The following NAB1 variants were observed in gnomAD, a reference collection of about 807,000 sequenced individuals.
The protein encoded by NAB1 is NGFI-A binding protein 1.
A neutral mutation model predicts 49.9 loss-of-function variants in NAB1; 25 were observed. The ratio of observed to expected loss-of-function variants is 0.50; its 90% CI spans 0.37 to 0.70. The LOEUF (loss-of-function observed/expected upper bound fraction) is 0.70. NAB1 is among the 30% of genes least tolerant of loss of function. The pLI is 0.00. For synonymous variants in NAB1, 198 were observed against 215.6 expected (o/e 0.92, Z 0.71); for missense variants, 489 against 575.9 (o/e 0.85, Z 1.54).
rs1695525422 is a variant in NAB1 at position 190,684,848 on chromosome 2, AGTTGACT to A, written c.1096-627_1096-621del. 6.6e-6 allele frequency among the ~76,000 whole-genome samples: 1 copy of A among 152,240 alleles called. No homozygotes were observed. Among genetic ancestry groups the A allele is most frequent in the African/African-American group, 2.4e-5 (1 of 41,466 alleles). On this transcript the variant is annotated intron_variant, in intron 7 of 9. Coordinates refer to ENST00000337386, the MANE Select transcript of NAB1 (RefSeq NM_005966.4). The surrounding 1 kb of genome is among the most constrained non-coding windows in gnomAD (Gnocchi z 4.6). ...ACATACAGAGATAAATTTATATGTC[AGTTGACT>A]AATTGTATATTTAAAATATGCCTTT...
chr2:190,679,397 G>A lies in NAB1; in HGVS notation c.1006-4341G>A, dbSNP rs1695221662. ...TTGCAGAGAGATCACTGATTACTTT[G>A]GATAATTGTTATTTATTACTTATTT... On this transcript the variant is annotated intron_variant, in intron 6 of 9. Transcript: ENST00000337386. This position sits in a 1 kb window ranked among gnomAD's most constrained non-coding sequence, Gnocchi z 5.3. Among the ~76,000 whole-genome samples, 1 of 151,992 alleles carries A rather than the reference G, an allele frequency of 6.6e-6. No homozygotes were observed. Among genetic ancestry groups the A allele is most frequent in the Non-Finnish European group, 1.5e-5 (1 of 67,976 alleles).
At chr2:190,681,640 G>A (rs1695350229) in intron 6 of NAB1, among the ~76,000 whole-genome samples, 1 of 152,142 alleles carries the variant, frequency 6.6e-6, no homozygotes, top group Non-Finnish European at 1.5e-5. Context: ...AGCTACATAG[G>A]ACCATCTTAA....
rs879845903 is a variant in NAB1, at chr2:190,657,056, A to G, written c.-20+903A>G. On this transcript the variant is annotated intron_variant, in intron 3 of 9. Coordinates refer to ENST00000337386, the MANE Select transcript of NAB1 (RefSeq NM_005966.4). The surrounding 1 kb of genome is among the most constrained non-coding windows in gnomAD (Gnocchi z 4.4). ...TTACACATGTACTTTTTTTTTCTGT[A>G]TTGCGTTGAAAGCCTATGGAGGAAT... 2.6e-5 allele frequency among the ~76,000 whole-genome samples: 4 copies of G among 151,692 alleles called. No homozygotes were observed. Among genetic ancestry groups the G allele is most frequent in the African/African-American group, 4.8e-5 (2 of 41,264 alleles).
rs1433329571 is a variant in NAB1, at chr2:190,661,402, AAAAC to A, written c.819+1411_819+1414del. Reference sequence around the variant, plus strand: ...GGGCTATATGGCTGTCATTAGTAGAAAAACAAAAGGCAAAATGTGTTGGCAATTT... The same window carrying A: ...GGGCTATATGGCTGTCATTAGTAGAAAAAAGGCAAAATGTGTTGGCAATTT... On this transcript the variant is annotated intron_variant, in intron 4 of 9. Transcript: ENST00000337386. Among the ~76,000 whole-genome samples the A allele has an allele frequency of 2.0e-5, 3 of 152,200 alleles. No homozygotes were observed. The East Asian group carries it at 5.8e-4, about 29-fold the overall frequency.
chr2:190,687,170 A>C, intron 8 of NAB1, 31 bp from the exon 9 acceptor site: 1 of 1,372,032 alleles, frequency 7.3e-7, no homozygotes, highest in Non-Finnish European at 9.9e-7. Flanking sequence ...TGTTTTTAAT[A>C]TTATGCATAT....
At chr2:190,687,098 T>C (rs1366149182) in intron 8 of NAB1, 103 bp from the exon 9 acceptor site, 7 of 524,794 alleles carry the variant, frequency 1.3e-5, no homozygotes, top group Non-Finnish European at 2.3e-5. Flanking sequence ...GCTCGTTGAC[T>C]CTCCTCACTT....
Position 190,657,061 on chromosome 2 carries a change from G to A in NAB1, c.-20+908G>A, listed in dbSNP as rs533026634. ...CATGTACTTTTTTTTTCTGTATTGC[G>A]TTGAAAGCCTATGGAGGAATTGCAC... is the stretch of plus-strand genomic sequence containing the variant. On this transcript the variant is annotated intron_variant, in intron 3 of 9. Coordinates refer to ENST00000337386, the MANE Select transcript of NAB1 (RefSeq NM_005966.4). The surrounding 1 kb of genome is among the most constrained non-coding windows in gnomAD (Gnocchi z 4.4). Among the ~76,000 whole-genome samples, 7 of 151,958 alleles carry A rather than the reference G, an allele frequency of 4.6e-5. No individual in the cohort carries two copies. The highest frequency in any genetic ancestry group is 7.4e-5 in the Non-Finnish European group (5 of 67,996).
intron 6 of NAB1, 107 bp from the exon 7 acceptor site, chr2:190,683,631 T>C: frequency 2.9e-6 from 2 of 698,018 alleles, no homozygotes; most frequent in Non-Finnish European, 4.8e-6. Flanking sequence ...ATCTTAATCA[T>C]GATTATTCAG....
chr2:190,667,264 A>C lies in NAB1; in HGVS notation c.820-3062A>C, dbSNP rs1273209476. On this transcript the variant is annotated intron_variant, in intron 4 of 9. Transcript: ENST00000337386. This position sits in a 1 kb window ranked among gnomAD's most constrained non-coding sequence, Gnocchi z 4.4. ...ATATTGTTTTCAGTTTATGTTGAAA[A>C]GTTATTTTCTGTGTTTGTGCATAAG... Among the ~76,000 whole-genome samples the C allele has an allele frequency of 1.3e-5, 2 of 152,230 alleles. No homozygotes were observed. Among genetic ancestry groups the C allele is most frequent in the African/African-American group, 4.8e-5 (2 of 41,460 alleles).
rs1160831386 is a variant in NAB1 at position 190,659,397 on chromosome 2, ACT to A, written c.222_223del (p.Asp74GlufsTer19). 1 of 1,614,146 alleles carries A rather than the reference ACT, an allele frequency of 6.2e-7. No homozygotes were observed. The highest frequency in any genetic ancestry group is 8.5e-7 in the Non-Finnish European group (1 of 1,180,020). On this transcript the variant is annotated frameshift_variant, in exon 4 of 10. Coordinates refer to ENST00000337386, the MANE Select transcript of NAB1 (RefSeq NM_005966.4). LOFTEE classifies it high-confidence loss of function. This position sits in a 1 kb window ranked among gnomAD's most constrained non-coding sequence, Gnocchi z 6.2. ...AGAAGGCTGCAGAAGGCTTTGAGAGACTGGGTCACAAACCCTGGGCTTTTCAA... is the reference window on the plus strand; with the variant it reads ...AGAAGGCTGCAGAAGGCTTTGAGAGAGGGTCACAAACCCTGGGCTTTTCAA...
rs1372266087 is a variant in NAB1 at position 190,672,498 on chromosome 2, G to T, written c.954-603G>T. Reference sequence around the variant, plus strand: ...GATAGGTTTTCCCAGCAGAGAAATTGCTGGGTCAGGGTAAATACATCTGTA... The same window carrying T: ...GATAGGTTTTCCCAGCAGAGAAATTTCTGGGTCAGGGTAAATACATCTGTA... On this transcript the variant is annotated intron_variant, in intron 5 of 9. Coordinates refer to ENST00000337386, the MANE Select transcript of NAB1 (RefSeq NM_005966.4). Among the ~76,000 whole-genome samples, 7 of 152,104 alleles carry T rather than the reference G, an allele frequency of 4.6e-5. No homozygotes were observed. In the East Asian group the frequency reaches 1.3e-3, roughly 29 times the overall value.
intron 4 of NAB1, among the ~76,000 whole-genome samples, chr2:190,662,335 T>C (rs1694268064): frequency 1.3e-5 from 2 of 152,198 alleles, no homozygotes; most frequent in African/African-American, 4.8e-5. Context: ...ACATAATTTG[T>C]TTCCAAATGT....
intron 5 of NAB1, among the ~76,000 whole-genome samples, chr2:190,672,506 A>G (rs1169865992): frequency 6.6e-6 from 1 of 152,180 alleles, no homozygotes; most frequent in African/African-American, 2.4e-5. Flanking sequence ...TTGCTGGGTC[A>G]GGGTAAATAC....
rs1185812580 is a variant in NAB1 at position 190,654,677 on chromosome 2, A to C, written c.-196-1300A>C. ...CTCTGCACTGGTGGAGAAGTTCGCAAATCTGTAAACTTGGCATTGCAGTGT... is the reference window on the plus strand; with the variant it reads ...CTCTGCACTGGTGGAGAAGTTCGCACATCTGTAAACTTGGCATTGCAGTGT... On this transcript the variant is annotated intron_variant, in intron 2 of 9. Coordinates refer to ENST00000337386, the MANE Select transcript of NAB1 (RefSeq NM_005966.4). This position sits in a 1 kb window ranked among gnomAD's most constrained non-coding sequence, Gnocchi z 5.6. Among the ~76,000 whole-genome samples, 1 of 152,102 alleles carries C rather than the reference A, an allele frequency of 6.6e-6. No individual in the cohort carries two copies. The highest frequency in any genetic ancestry group is 2.4e-5 in the African/African-American group (1 of 41,388).
rs1481289763 is a variant in NAB1 at position 190,689,413 on chromosome 2, T to TCC, written c.1376-829_1376-828dup. 2.0e-5 allele frequency among the ~76,000 whole-genome samples: 3 copies of TCC among 152,170 alleles called. No homozygotes were observed. The highest frequency in any genetic ancestry group is 2.9e-5 in the Non-Finnish European group (2 of 68,026). ...TACTACTCTTACGCGGAACTTAAAA[T>TCC]CCCCTTCTGTTTAGATAGAGAGGAT... is the stretch of plus-strand genomic sequence containing the variant. On this transcript the variant is annotated intron_variant, in intron 9 of 9. Transcript: ENST00000337386. This position sits in a 1 kb window ranked among gnomAD's most constrained non-coding sequence, Gnocchi z 4.3.
rs1694100754 is a variant in NAB1, at chr2:190,659,406, C to A, written c.230C>A (p.Thr77Lys). Residue 77 changes from threonine (T) to lysine (K), a missense_variant, in exon 4 of 10, where the codon ACA (threonine) becomes AAA (lysine). Physicochemically the swap from Thr to Lys is moderately conservative, Grantham distance 78 (BLOSUM62 -1). Coordinates refer to ENST00000337386, the MANE Select transcript of NAB1 (RefSeq NM_005966.4). The surrounding 1 kb of genome is among the most constrained non-coding windows in gnomAD (Gnocchi z 6.2). ...RLQKALRDWV[T>K]NPGLFNQPLT... ...CAGAAGGCTTTGAGAGACTGGGTCA[C>A]AAACCCTGGGCTTTTCAATCAGCCA... 1 of 1,614,054 alleles carries A rather than the reference C, an allele frequency of 6.2e-7. No individual in the cohort carries two copies. The highest frequency in any genetic ancestry group is 1.7e-5 in the Admixed American group (1 of 60,004).
rs1693685668 is a variant in NAB1, at chr2:190,651,872, C to T, written c.-197+1890C>T. Among the ~76,000 whole-genome samples, 1 of 152,178 alleles carries T rather than the reference C, an allele frequency of 6.6e-6. No homozygotes were observed. The highest frequency in any genetic ancestry group is 1.5e-5 in the Non-Finnish European group (1 of 68,032). ...ATAATCAACCCGTCTATGCATATTT[C>T]ATTGTGGAATTTGCTAAACATATTA... On this transcript the variant is annotated intron_variant, in intron 2 of 9. Transcript: ENST00000337386. The surrounding 1 kb of genome is among the most constrained non-coding windows in gnomAD (Gnocchi z 4.3).
chr2:190,685,347 C>T lies in NAB1; in HGVS notation c.1096-129C>T, dbSNP rs1695554903. 2.6e-6 allele frequency: 2 copies of T among 770,246 alleles called. No homozygotes were observed. The highest frequency in any genetic ancestry group is 5.6e-5 in the East Asian group (2 of 35,698). The allele number at this position is 770,246 out of a possible 1,614,324, so 47.7% of individuals were successfully genotyped here. On this transcript the variant is annotated intron_variant, in intron 7 of 9. Coordinates refer to ENST00000337386, the MANE Select transcript of NAB1 (RefSeq NM_005966.4). This position sits in a 1 kb window ranked among gnomAD's most constrained non-coding sequence, Gnocchi z 4.5. ...TATGCATATTTATGGAATTTGTATA[C>T]CACATGAAGTGTGAACTAATTTTAA...
chr2:190,667,040 G>C lies in NAB1; in HGVS notation c.820-3286G>C, dbSNP rs1444679319. On this transcript the variant is annotated intron_variant, in intron 4 of 9. Coordinates refer to ENST00000337386, the MANE Select transcript of NAB1 (RefSeq NM_005966.4). The surrounding 1 kb of genome is among the most constrained non-coding windows in gnomAD (Gnocchi z 4.4). ...TGACAGAACACGTGTTTTTAAGGGA[G>C]AGGCTTCATGAATCAGCTTTTTATT... 6.6e-6 allele frequency among the ~76,000 whole-genome samples: 1 copy of C among 152,190 alleles called. No individual in the cohort carries two copies. The highest frequency in any genetic ancestry group is 1.5e-5 in the Non-Finnish European group (1 of 68,044).
Sources: gnomAD v4.1 joint callset for allele counts (sites outside exome capture counted in the v4.1 genomes callset) on GRCh38, gnomAD v4.1.1 for gene constraint, Gnocchi (gnomAD v3.1) non-coding constraint, MANE v1.5 for transcripts, NCBI Gene and HGNC (gene_info 2026-07-23, HGNC 2026-07-21) for gene names.